The following CD86 variants were observed in gnomAD, a reference collection of about 807,000 sequenced individuals.
The protein encoded by CD86 is T-lymphocyte activation antigen CD86.
CD86 carries 11 observed loss-of-function variants against 32.1 expected under a neutral mutation model. That is an observed-to-expected ratio of 0.34 (90% CI 0.22 to 0.57). CD86 has a LOEUF of 0.57. CD86 is among the 20% of genes least tolerant of loss of function. The probability of loss-of-function intolerance (pLI) is 0.86; values close to 1 mark genes in which losing one functional copy is unlikely to be tolerated. For synonymous variants in CD86, 137 were observed against 135.3 expected, an observed-to-expected ratio of 1.01 and a Z score of -0.09; for missense variants, 359 against 398.4, an observed-to-expected ratio of 0.90 and a Z score of 0.84.
chr3:122,061,428 C>T (rs1443450489), intron 1 of CD86, among the ~76,000 whole-genome samples: 1 of 151,998 alleles, frequency 6.6e-6, no homozygotes. Flanking sequence ...AAGAAATAAA[C>T]ATGACAAAAA....
At position 122,106,335 on chromosome 3, in the gene CD86, A is replaced by T. The variant is rs751374962; in HGVS notation, c.538A>T (p.Ile180Phe). 6.2e-7 allele frequency: 1 copy of T among 1,614,166 alleles called. No homozygotes were observed. Among genetic ancestry groups the T allele is most frequent in the Non-Finnish European group, 8.5e-7 (1 of 1,179,998 alleles). The change falls in exon 4 of 7, where the codon ATC becomes TTC. Residue 180 changes from isoleucine to phenylalanine, a missense_variant. Ile to Phe is a conservative substitution (Grantham distance 21). Transcript: ENST00000330540. ...SVLLRTKNSTIEYDGVMQKSQ... is the reference protein window; with the variant it reads ...SVLLRTKNSTFEYDGVMQKSQ... ...TTTGCTAAGAACCAAGAATTCAACT[A>T]TCGAGTATGATGGTGTTATGCAGAA... is the stretch of plus-strand genomic sequence containing the variant.
chr3:122,116,876 G>A (rs921129138), intron 5 of CD86, among the ~76,000 whole-genome samples: 4 of 152,178 alleles, frequency 2.6e-5, no homozygotes, highest in African/African-American at 9.6e-5. Context: ...TTATCCATGG[G>A]ATGGGGGAAA....
intron 1 of CD86, among the ~76,000 whole-genome samples, chr3:122,070,596 G>C (rs886574064): frequency 6.6e-6 from 1 of 152,122 alleles, no homozygotes. Context: ...ACATTTCTAA[G>C]AATGTTCCTT....
intron 6 of CD86, among the ~76,000 whole-genome samples, chr3:122,118,926 C>T (rs904329215): frequency 2.6e-5 from 4 of 152,108 alleles, no homozygotes; most frequent in African/African-American, 9.7e-5. Flanking sequence ...AAATTAAGCT[C>T]TCAGGAATAT....
At position 122,120,828 on chromosome 3, in the gene CD86, GA is replaced by G. The variant is rs2073333868; in HGVS notation, c.*1297del. On this transcript the variant is annotated 3_prime_UTR_variant, in exon 7 of 7. Transcript: ENST00000330540. Reference sequence around the variant, plus strand: ...TTGTTTTTGCTCAAGGCAACCAGAGGAAACTTGCATACAGAGACAGATATAC... The same window carrying G: ...TTGTTTTTGCTCAAGGCAACCAGAGGAACTTGCATACAGAGACAGATATAC... The G allele has an allele frequency of 6.6e-6, 1 of 152,526 alleles. No individual in the cohort carries two copies. Among genetic ancestry groups the G allele is most frequent in the African/African-American group, 2.4e-5 (1 of 41,454 alleles). 9.4% of individuals were successfully genotyped at this position (152,526 alleles called of 1,614,324 possible). A position where few individuals can be genotyped will look rare whatever the true frequency, so the allele number is the denominator to read the frequency against.
At chr3:122,074,470 T>C (rs1015610007) in intron 1 of CD86, among the ~76,000 whole-genome samples, 3 of 152,230 alleles carry the variant, frequency 2.0e-5, no homozygotes, top group African/African-American at 4.8e-5. Flanking sequence ...TAAATAATGC[T>C]GCTCTAATTA....
intron 5 of CD86, among the ~76,000 whole-genome samples, chr3:122,115,639 C>T (rs2073237645): frequency 6.8e-6 from 1 of 147,316 alleles, no homozygotes; most frequent in African/African-American, 2.5e-5. Flanking sequence ...ACTCTGGAGG[C>T]TGAGGCAGGA....
Position 122,103,956 on chromosome 3 carries a change from G to A in CD86, c.400+109G>A, listed in dbSNP as rs1433989897. 17 of 869,130 alleles carry A rather than the reference G, an allele frequency of 2.0e-5. No homozygotes were observed. The Admixed American group carries it at 3.9e-4, about 20-fold the overall frequency. 53.8% of individuals were successfully genotyped at this position (869,130 alleles called of 1,614,324 possible). ...TTGAGGGGCCCAGGGGAAAAGGGGG[G>A]TCTATAGAGAGAAGGCAGAGGACAG... On this transcript the variant is annotated intron_variant, in intron 3 of 6. Coordinates refer to ENST00000330540, the MANE Select transcript of CD86 (RefSeq NM_175862.5).
At chr3:122,095,837 G>A (rs933518731) in intron 2 of CD86, among the ~76,000 whole-genome samples, 1 of 152,158 alleles carries the variant, frequency 6.6e-6, no homozygotes, top group Non-Finnish European at 1.5e-5. Context: ...CAGAGAAAAT[G>A]AGCAATCAGA....
chr3:122,106,864 A>ACACACACACACC (rs1417689964), intron 4 of CD86, among the ~76,000 whole-genome samples: 2 of 151,856 alleles, frequency 1.3e-5, no homozygotes, highest in Non-Finnish European at 2.9e-5. Context: ...ACACACACAC[A>ACACACACACACC]CACACACCAT....
chr3:122,093,878 G>A (rs1268821684), intron 2 of CD86, among the ~76,000 whole-genome samples: 1 of 152,194 alleles, frequency 6.6e-6, no homozygotes, highest in East Asian at 1.9e-4. Context: ...GAGCTACTAA[G>A]TGGCAGAGCT....
At chr3:122,113,644 A>G (rs2073207271) in intron 5 of CD86, among the ~76,000 whole-genome samples, 2 of 152,138 alleles carry the variant, frequency 1.3e-5, no homozygotes, top group Non-Finnish European at 2.9e-5. Context: ...GGCCATTTGT[A>G]TATTTTCTTT....
At chr3:122,056,218 G>C (rs192619858) in intron 1 of CD86, among the ~76,000 whole-genome samples, 32 of 152,282 alleles carry the variant, frequency 2.1e-4, no homozygotes, top group African/African-American at 7.5e-4. Context: ...AATCTTTCCT[G>C]CCCGCTTCGT....
At chr3:122,107,354 C>T (rs189269355) in intron 4 of CD86, among the ~76,000 whole-genome samples, 7 of 152,224 alleles carry the variant, frequency 4.6e-5, no homozygotes, top group African/African-American at 1.7e-4. Context: ...CTGTATCTGA[C>T]GTAAGTGCAG....
chr3:122,078,015 T>C, intron 1 of CD86: 2 of 985,692 alleles, frequency 2.0e-6, no homozygotes, highest in Non-Finnish European at 2.4e-6. Context: ...GGTCTCTTTT[T>C]GGAGCTACAG....
chr3:122,103,075 G>A (rs928036776), intron 2 of CD86, among the ~76,000 whole-genome samples: 1 of 152,140 alleles, frequency 6.6e-6, no homozygotes, highest in Non-Finnish European at 1.5e-5. Flanking sequence ...AGCTTTTGGT[G>A]ATGGTGTAGA....
At chr3:122,064,462 A>C (rs72965468) in intron 1 of CD86, among the ~76,000 whole-genome samples, 2 of 152,240 alleles carry the variant, frequency 1.3e-5, no homozygotes, top group African/African-American at 4.8e-5. Flanking sequence ...GCCAACATAG[A>C]TCCTCAGATG....
chr3:122,074,655 G>T (rs2072532967), intron 1 of CD86, among the ~76,000 whole-genome samples: 1 of 152,110 alleles, frequency 6.6e-6, no homozygotes, highest in Non-Finnish European at 1.5e-5. Flanking sequence ...TTCTGGCTCT[G>T]GCACATGGAG....
intron 1 of CD86, among the ~76,000 whole-genome samples, chr3:122,072,429 G>A (rs1306536929): frequency 6.6e-5 from 10 of 152,074 alleles, no homozygotes; most frequent in African/African-American, 1.5e-4. Context: ...ATTCTAACTG[G>A]TGTGAGATGG....
Sources: allele counts gnomAD v4.1 joint callset (sites outside exome capture counted in the v4.1 genomes callset), GRCh38; gene constraint gnomAD v4.1.1; transcripts MANE v1.5; gene names NCBI Gene and HGNC (gene_info 2026-07-23, HGNC 2026-07-21).